The following RBFOX1 variants were observed in gnomAD, a reference collection of about 807,000 sequenced individuals.
The protein encoded by RBFOX1 is RNA binding protein fox-1 homolog 1.
RBFOX1 carries 8 observed loss-of-function variants against 57.7 expected under a neutral mutation model. The observed-to-expected ratio is 0.14, with a 90% CI of 0.08 to 0.25. The LOEUF is 0.25. RBFOX1 is among the 10% of genes least tolerant of loss of function. RBFOX1 has a pLI of 1.00. For missense variants in RBFOX1, 611 were observed against 548.5 expected (o/e 1.11, Z -1.14); for synonymous variants, 326 against 222.4 (o/e 1.47, Z -4.15).
intron 4 of RBFOX1, among the ~76,000 whole-genome samples, chr16:7,229,059 T>C (rs749949867): frequency 6.6e-6 from 1 of 150,618 alleles, no homozygotes; most frequent in Admixed American, 6.6e-5. Context: ...TTTTTAAAAA[T>C]GGTTAATAGA....
chr16:6,805,734 TTTC>T (rs1263711065), intron 3 of RBFOX1, among the ~76,000 whole-genome samples: 6 of 152,180 alleles, frequency 3.9e-5, no homozygotes, highest in Non-Finnish European at 7.3e-5. Context: ...TGTACCCTCC[TTTC>T]TTCAAGGTTT....
intron 2 of RBFOX1, among the ~76,000 whole-genome samples, chr16:5,473,183 G>A (rs1379193021): frequency 2.0e-5 from 3 of 152,090 alleles, no homozygotes; most frequent in African/African-American, 7.2e-5. Context: ...TTGTTCTCAT[G>A]TTTATTTACA....
intron 2 of RBFOX1, among the ~76,000 whole-genome samples, chr16:5,527,933 A>G (rs1358651114): frequency 1.3e-5 from 2 of 152,274 alleles, no homozygotes; most frequent in African/African-American, 2.4e-5. Context: ...AGTGACTTCT[A>G]CCTTTATGAG....
At chr16:5,843,079 G>A (rs1027334563) in intron 3 of RBFOX1, among the ~76,000 whole-genome samples, 5 of 152,044 alleles carry the variant, frequency 3.3e-5, no homozygotes, top group Non-Finnish European at 7.4e-5. Context: ...CACCCGCCTT[G>A]GCCTCCCAAA....
chr16:6,516,620 A>G (rs2096383556), intron 2 of RBFOX1, among the ~76,000 whole-genome samples: 1 of 152,212 alleles, frequency 6.6e-6, no homozygotes, highest in African/African-American at 2.4e-5. Flanking sequence ...ATTGAAAAAT[A>G]CTTTTTTATT....
intron 14 of RBFOX1, among the ~76,000 whole-genome samples, chr16:7,703,851 A>G (rs1343246604): frequency 6.6e-6 from 1 of 152,242 alleles, no homozygotes; most frequent in Non-Finnish European, 1.5e-5. Flanking sequence ...CTCCAAAAGC[A>G]TCTGTAATTT....
intron 4 of RBFOX1, among the ~76,000 whole-genome samples, chr16:7,107,712 A>G (rs568832194): frequency 6.6e-5 from 10 of 152,236 alleles, no homozygotes; most frequent in African/African-American, 2.2e-4. Flanking sequence ...AGAATTTTAT[A>G]TAAATGGAAT....
At chr16:7,406,006 A>T (rs1359593089) in intron 4 of RBFOX1, among the ~76,000 whole-genome samples, 1 of 152,190 alleles carries the variant, frequency 6.6e-6, no homozygotes, top group African/African-American at 2.4e-5. Context: ...TGATCCTGCA[A>T]CACACAGAGC....
intron 2 of RBFOX1, among the ~76,000 whole-genome samples, chr16:6,649,700 C>T (rs1274472783): frequency 6.6e-6 from 1 of 152,136 alleles, no homozygotes; most frequent in African/African-American, 2.4e-5. Context: ...TTATTTCATT[C>T]ATTTTTATGG....
intron 3 of RBFOX1, among the ~76,000 whole-genome samples, chr16:7,002,395 C>T (rs1005499310): frequency 7.9e-5 from 12 of 152,164 alleles, no homozygotes; most frequent in African/African-American, 2.2e-4. Context: ...GTTTATCCAG[C>T]AAGAAAGAGA....
intron 3 of RBFOX1, among the ~76,000 whole-genome samples, chr16:5,754,024 A>G (rs1439874275): frequency 6.6e-6 from 1 of 152,122 alleles, no homozygotes; most frequent in Non-Finnish European, 1.5e-5. Flanking sequence ...GCCATTCTCA[A>G]ATGTCAATGT....
intron 4 of RBFOX1, among the ~76,000 whole-genome samples, chr16:7,253,662 T>A (rs531063473): frequency 3.7e-4 from 56 of 152,292 alleles, no homozygotes; most frequent in African/African-American, 1.3e-3. Context: ...TGCTTTGACA[T>A]CACTTCTCCT....
intron 4 of RBFOX1, among the ~76,000 whole-genome samples, chr16:5,886,192 C>A (rs144924887): frequency 5.2e-4 from 79 of 152,280 alleles, no homozygotes; most frequent in African/African-American, 1.8e-3. Flanking sequence ...CATAAATTCC[C>A]CAGTTTCAGG....
chr16:7,168,629 G>A (rs2080057344), intron 4 of RBFOX1, among the ~76,000 whole-genome samples: 1 of 152,098 alleles, frequency 6.6e-6, no homozygotes, highest in Non-Finnish European at 1.5e-5. Flanking sequence ...CAATTTTTAT[G>A]TCTTCTGCAT....
At chr16:7,107,266 C>A (rs2095707916) in intron 4 of RBFOX1, among the ~76,000 whole-genome samples, 1 of 152,130 alleles carries the variant, frequency 6.6e-6, no homozygotes. Context: ...AGCTGGAGAG[C>A]AATGTGGAAA....
At chr16:6,463,808 A>C (rs1279853080) in intron 2 of RBFOX1, among the ~76,000 whole-genome samples, 1 of 152,206 alleles carries the variant, frequency 6.6e-6, no homozygotes, top group Admixed American at 6.5e-5. Context: ...TCACGTGCCC[A>C]TCACTAAACA....
intron 3 of RBFOX1, among the ~76,000 whole-genome samples, chr16:6,813,857 T>C (rs2089401869): frequency 6.6e-6 from 1 of 152,120 alleles, no homozygotes; most frequent in African/African-American, 2.4e-5. Context: ...CTGGCTTCCA[T>C]CTGAGCTCAG....
chr16:6,141,182 A>G (rs1283859633), intron 1 of RBFOX1, among the ~76,000 whole-genome samples: 4 of 152,184 alleles, frequency 2.6e-5, no homozygotes, highest in African/African-American at 4.8e-5. Context: ...ACCTTAGCCC[A>G]TCACCATGGC....
intron 4 of RBFOX1, among the ~76,000 whole-genome samples, chr16:7,306,710 C>G (rs144084506): frequency 1.3e-5 from 2 of 152,084 alleles, no homozygotes; most frequent in African/African-American, 4.8e-5. Context: ...GGAAGCTCAC[C>G]GCTAGGGTGT....
Sources: allele counts gnomAD v4.1 joint callset (sites outside exome capture counted in the v4.1 genomes callset), GRCh38; gene constraint gnomAD v4.1.1; transcripts MANE v1.5; gene names NCBI Gene and HGNC (gene_info 2026-07-23, HGNC 2026-07-21).